TBC1D22A: variants seen among roughly 807,000 people sequenced by gnomAD.
The protein encoded by TBC1D22A is TBC1 domain family member 22A, also known as putative GTPase activator.
TBC1D22A carries 38 observed loss-of-function variants against 60.2 expected under a neutral mutation model. The ratio of observed to expected loss-of-function variants is 0.63; its 90% confidence interval spans 0.49 to 0.83. TBC1D22A has a LOEUF of 0.83. Ranked by LOEUF, TBC1D22A falls within the 40% of genes least tolerant of loss-of-function variation. The pLI is 0.00. For missense variants in TBC1D22A, 628 were observed against 701.0 expected (o/e 0.90, Z 1.18); for synonymous variants, 302 against 281.7 (o/e 1.07, Z -0.72).
At chr22:47,006,751 G>A (rs972731107) in intron 10 of TBC1D22A, among the ~76,000 whole-genome samples, 19 of 152,222 alleles carry the variant, frequency 1.2e-4, no homozygotes, top group Admixed American at 8.5e-4. Context: ...AGGACTCTCA[G>A]GCCTCTGCCT....
Position 46,777,550 on chromosome 22 carries a change from A to C in TBC1D22A, c.62+14702A>C, listed in dbSNP as rs1229558486. 6.6e-6 allele frequency among the ~76,000 whole-genome samples: 1 copy of C among 152,100 alleles called. No homozygotes were observed. The highest frequency in any genetic ancestry group is 2.4e-5 in the African/African-American group (1 of 41,404). On this transcript the variant is annotated intron_variant, in intron 1 of 12. Transcript: ENST00000337137. This position sits in a 1 kb window ranked among gnomAD's most constrained non-coding sequence, Gnocchi z 4.5. ...GTCAGGAGAGAGCATGATTTTTCAT[A>C]AGAGAAGGAAGGAGGACTGAGGACT...
chr22:46,783,854 T>C (rs1325685807), intron 1 of TBC1D22A, among the ~76,000 whole-genome samples: 2 of 152,174 alleles, frequency 1.3e-5, no homozygotes, highest in East Asian at 3.8e-4. Flanking sequence ...TTTTATCTTT[T>C]TTAGCATTAT....
At chr22:46,967,133 G>A (rs1198928513) in intron 8 of TBC1D22A, among the ~76,000 whole-genome samples, 9 of 152,350 alleles carry the variant, frequency 5.9e-5, no homozygotes, top group African/African-American at 2.2e-4. Flanking sequence ...CGGGAACTGT[G>A]ACTGTGGTTC....
chr22:46,992,496 C>T (rs1009412096), intron 9 of TBC1D22A, among the ~76,000 whole-genome samples: 3 of 152,230 alleles, frequency 2.0e-5, no homozygotes, highest in Non-Finnish European at 4.4e-5. Flanking sequence ...GTCAGGGAAT[C>T]GTGGGAACTC....
chr22:46,981,784 G>T (rs1291511820), intron 9 of TBC1D22A, among the ~76,000 whole-genome samples: 1 of 152,226 alleles, frequency 6.6e-6, no homozygotes, highest in East Asian at 1.9e-4. Context: ...CTTTATAGCA[G>T]TATGAAAGTG....
At chr22:47,012,988 G>A (rs902962877) in intron 10 of TBC1D22A, among the ~76,000 whole-genome samples, 2 of 152,154 alleles carry the variant, frequency 1.3e-5, no homozygotes, top group African/African-American at 2.4e-5. Flanking sequence ...GAAAGCCATC[G>A]TGCTCCAGTT....
Position 47,037,139 on chromosome 22 carries a change from A to C in TBC1D22A, c.1270A>C (p.Asn424His). 6.2e-7 allele frequency: 1 copy of C among 1,613,972 alleles called. No homozygotes were observed. Among genetic ancestry groups the C allele is most frequent in the Non-Finnish European group, 8.5e-7 (1 of 1,179,946 alleles). Residue 424 changes from asparagine (N) to histidine (H), a missense_variant, in exon 11 of 13, where the codon AAC becomes CAC. Transcript: ENST00000337137. ...GCAGTTTGCCTTCCGCTGGATGAAC[A>C]ACCTGCTGATGAGGGAGGTGCCCCT... is the stretch of plus-strand genomic sequence containing the variant. ...YLQFAFRWMN[N>H]LLMREVPLRC...
intron 8 of TBC1D22A, among the ~76,000 whole-genome samples, chr22:46,957,147 A>G (rs2073240497): frequency 6.6e-6 from 1 of 152,224 alleles, no homozygotes; most frequent in Admixed American, 6.5e-5. Context: ...CATTGCAGGC[A>G]CCAGGTGTGA....
intron 11 of TBC1D22A, among the ~76,000 whole-genome samples, chr22:47,039,692 C>T (rs527708784): frequency 5.9e-4 from 64 of 108,786 alleles, no homozygotes; most frequent in Non-Finnish European, 8.7e-4. Context: ...CTCATGGATG[C>T]GTGCATTTCA....
At chr22:47,035,963 A>G (rs2062642296) in intron 10 of TBC1D22A, among the ~76,000 whole-genome samples, 1 of 152,174 alleles carries the variant, frequency 6.6e-6, no homozygotes, top group African/African-American at 2.4e-5. Context: ...CAAACCAGTA[A>G]ACAGAACACT....
intron 7 of TBC1D22A, among the ~76,000 whole-genome samples, chr22:46,904,743 C>T (rs908718352): frequency 4.6e-5 from 7 of 151,556 alleles, no homozygotes; most frequent in Middle Eastern, 3.2e-3. Context: ...GCTGGGATTA[C>T]AGGCGTGAGC....
At chr22:46,854,877 TC>T (rs1041568059) in intron 4 of TBC1D22A, among the ~76,000 whole-genome samples, 4 of 152,176 alleles carry the variant, frequency 2.6e-5, no homozygotes, top group African/African-American at 7.2e-5. Flanking sequence ...AACCTGCTGA[TC>T]CCCCGGCTCA....
chr22:46,770,233 C>T (rs768688104), intron 1 of TBC1D22A, among the ~76,000 whole-genome samples: 55 of 152,290 alleles, frequency 3.6e-4, no homozygotes, highest in Non-Finnish European at 6.8e-4. Flanking sequence ...CTAGAAGCTG[C>T]GAAAGGCCTT....
chr22:46,940,534 G>A (rs1418724682), intron 8 of TBC1D22A, among the ~76,000 whole-genome samples: 1 of 141,200 alleles, frequency 7.1e-6, no homozygotes, highest in African/African-American at 2.7e-5. Context: ...TGGGGCACTA[G>A]AATATATATA....
rs557816745 is a variant in TBC1D22A at position 47,161,472 on chromosome 22, G to A, written c.1426-12026G>A. 1.0e-3 allele frequency among the ~76,000 whole-genome samples: 154 copies of A among 152,250 alleles called. 2 individuals are homozygous for A. The highest frequency in any genetic ancestry group is 1.6e-3 in the Non-Finnish European group (110 of 68,028). ...TAACTGCTAAATAAATAAACATTTCGTTACATGGATAGACCAAAATTGCCT... is the reference window on the plus strand; with the variant it reads ...TAACTGCTAAATAAATAAACATTTCATTACATGGATAGACCAAAATTGCCT... On this transcript the variant is annotated intron_variant, in intron 12 of 12. Transcript: ENST00000337137.
At chr22:47,018,523 G>C (rs928303539) in intron 10 of TBC1D22A, among the ~76,000 whole-genome samples, 7 of 152,100 alleles carry the variant, frequency 4.6e-5, no homozygotes, top group Non-Finnish European at 1.0e-4. Context: ...CAGTCCGTCT[G>C]TCCGTCCCAC....
chr22:47,058,361 C>T (rs879706194), intron 11 of TBC1D22A, among the ~76,000 whole-genome samples: 2 of 152,124 alleles, frequency 1.3e-5, no homozygotes, highest in South Asian at 2.1e-4. Flanking sequence ...TCCACCCGCC[C>T]GACAGAAGCC....
intron 12 of TBC1D22A, among the ~76,000 whole-genome samples, chr22:47,126,312 C>A (rs2066455921): frequency 6.6e-6 from 1 of 152,224 alleles, no homozygotes; most frequent in South Asian, 2.1e-4. Flanking sequence ...AAAGAGGGAG[C>A]CTTTTCAGGC....
chr22:46,928,651 T>A (rs2071181929), intron 8 of TBC1D22A, among the ~76,000 whole-genome samples: 1 of 152,086 alleles, frequency 6.6e-6, no homozygotes, highest in Admixed American at 6.6e-5. Context: ...GAGAAGATGT[T>A]TGCAAATCAT....
Sources: gnomAD v4.1 joint callset for allele counts (sites outside exome capture counted in the v4.1 genomes callset) on GRCh38, gnomAD v4.1.1 for gene constraint, Gnocchi (gnomAD v3.1) non-coding constraint, MANE v1.5 for transcripts, NCBI Gene and HGNC (gene_info 2026-07-23, HGNC 2026-07-21) for gene names.